CHCHD6: variants seen among roughly 807,000 people sequenced by gnomAD.
CHCHD6 encodes the protein MICOS complex subunit MIC25.
Under a neutral mutation model 32.3 loss-of-function variants are expected in CHCHD6, and 28 were observed. The ratio of observed to expected loss-of-function variants is 0.87; its 90% CI spans 0.64 to 1.19. The LOEUF (loss-of-function observed/expected upper bound fraction) is 1.19. Ranked by LOEUF, CHCHD6 falls within the 50% of genes most tolerant of loss-of-function variation. CHCHD6 has a pLI of 0.00. For missense variants in CHCHD6, 333 were observed against 307.0 expected, an observed-to-expected ratio of 1.08 and a Z score of -0.63; for synonymous variants, 122 against 117.5, an observed-to-expected ratio of 1.04 and a Z score of -0.25.
chr3:126,849,811 C>T (rs546490402), intron 4 of CHCHD6, among the ~76,000 whole-genome samples: 1 of 152,342 alleles, frequency 6.6e-6, no homozygotes, highest in East Asian at 1.9e-4. Context: ...GTTGTGCCCT[C>T]AGCCCTTTTA....
At chr3:126,808,738 G>A (rs1331289732) in intron 4 of CHCHD6, among the ~76,000 whole-genome samples, 2 of 152,154 alleles carry the variant, frequency 1.3e-5, no homozygotes, top group African/African-American at 4.8e-5. Context: ...GGACTGTAAA[G>A]TGGATACCTA....
At chr3:126,883,711 A>C (rs2077642429) in intron 5 of CHCHD6, among the ~76,000 whole-genome samples, 1 of 152,210 alleles carries the variant, frequency 6.6e-6, no homozygotes, top group Admixed American at 6.5e-5. Context: ...AGGGTGTCAC[A>C]CAGCCCCAGC....
At chr3:126,848,867 C>T (rs1941377530) in intron 4 of CHCHD6, among the ~76,000 whole-genome samples, 2 of 152,128 alleles carry the variant, frequency 1.3e-5, no homozygotes, top group African/African-American at 4.8e-5. Flanking sequence ...TTATTGGTAG[C>T]CTTTTTAGAA....
chr3:126,944,781 A>G (rs62263302), intron 6 of CHCHD6, among the ~76,000 whole-genome samples: 12,254 of 152,288 alleles, frequency 0.08, 650 homozygotes, highest in Middle Eastern at 0.12. Context: ...GAAGGAGTCA[A>G]GAGTGTTCCT....
chr3:126,880,221 C>T (rs9882243), intron 5 of CHCHD6, among the ~76,000 whole-genome samples: 4,919 of 152,066 alleles, frequency 0.032, 280 homozygotes, highest in African/African-American at 0.11. Flanking sequence ...GGAAGTAGGG[C>T]GAGTGTACAG....
chr3:126,714,353 T>C (rs1373324543), intron 1 of CHCHD6, among the ~76,000 whole-genome samples: 1 of 152,160 alleles, frequency 6.6e-6, no homozygotes, highest in African/African-American at 2.4e-5. Flanking sequence ...GTGTGTGCCA[T>C]GCTTGGTGTA....
At chr3:126,864,683 C>T (rs1461599812) in intron 5 of CHCHD6, among the ~76,000 whole-genome samples, 2 of 149,494 alleles carry the variant, frequency 1.3e-5, no homozygotes, top group Non-Finnish European at 3.0e-5. Flanking sequence ...ATCATCTCCT[C>T]CTCCTCCTCC....
At chr3:126,813,718 C>T (rs1202427173) in intron 4 of CHCHD6, among the ~76,000 whole-genome samples, 1 of 152,260 alleles carries the variant, frequency 6.6e-6, no homozygotes, top group African/African-American at 2.4e-5. Context: ...CCTGGACACA[C>T]TGAATCCAGG....
At chr3:126,819,121 C>G (rs1373719971) in intron 4 of CHCHD6, among the ~76,000 whole-genome samples, 1 of 152,192 alleles carries the variant, frequency 6.6e-6, no homozygotes, top group East Asian at 1.9e-4. Flanking sequence ...ACTCTAAACT[C>G]CTGCCACACT....
At chr3:126,838,278 A>G (rs1031139914) in intron 4 of CHCHD6, among the ~76,000 whole-genome samples, 11 of 152,226 alleles carry the variant, frequency 7.2e-5, no homozygotes, top group Admixed American at 6.5e-4. Context: ...GAACAAAGAC[A>G]TGGCTTTGAG....
At chr3:126,922,030 C>T (rs570360237) in intron 6 of CHCHD6, among the ~76,000 whole-genome samples, 1 of 152,290 alleles carries the variant, frequency 6.6e-6, no homozygotes, top group South Asian at 2.1e-4. Flanking sequence ...CCTTTGATGA[C>T]CTTTTAAAGG....
chr3:126,914,687 A>T lies in CHCHD6; in HGVS notation c.503A>T (p.Glu168Val), dbSNP rs759148377. 6.3e-7 allele frequency: 1 copy of T among 1,579,668 alleles called. No homozygotes were observed. The highest frequency in any genetic ancestry group is 8.7e-7 in the Non-Finnish European group (1 of 1,148,560). Residue 168 changes from glutamate (E) to valine (V), a missense_variant, in exon 6 of 8, where the codon GAG becomes GTG. Physicochemically the swap from Glu to Val is moderately radical, Grantham distance 121. Coordinates refer to ENST00000290913, the MANE Select transcript of CHCHD6 (RefSeq NM_032343.3). ...QLERIERKNAEMYKLSSEQFH... is the reference protein window; with the variant it reads ...QLERIERKNAVMYKLSSEQFH... ...CTGTTTTTCTCCTTGTAGAATGCTG[A>T]GATGTATAAACTGTCTTCAGAGCAA... is the stretch of plus-strand genomic sequence containing the variant.
intron 5 of CHCHD6, among the ~76,000 whole-genome samples, chr3:126,885,920 G>A (rs923554379): frequency 2.0e-5 from 3 of 152,228 alleles, no homozygotes; most frequent in African/African-American, 7.2e-5. Flanking sequence ...AGGATGAGAA[G>A]TAGAAGGGCT....
At chr3:126,930,244 T>C (rs1350829612) in intron 6 of CHCHD6, among the ~76,000 whole-genome samples, 1 of 152,240 alleles carries the variant, frequency 6.6e-6, no homozygotes, top group Non-Finnish European at 1.5e-5. Context: ...CCAGCCTCTT[T>C]ATGAAACCAT....
intron 4 of CHCHD6, among the ~76,000 whole-genome samples, chr3:126,772,196 G>A (rs1408862890): frequency 1.3e-5 from 2 of 152,108 alleles, no homozygotes; most frequent in Non-Finnish European, 2.9e-5. Flanking sequence ...CCGCCTCCTG[G>A]GTTCACGCCA....
chr3:126,841,696 A>G (rs1368266869), intron 4 of CHCHD6, among the ~76,000 whole-genome samples: 4 of 152,022 alleles, frequency 2.6e-5, no homozygotes. Context: ...GCTTAACCCC[A>G]GGAGTTTGAG....
intron 4 of CHCHD6, among the ~76,000 whole-genome samples, chr3:126,763,013 C>T (rs79277261): frequency 0.022 from 3,372 of 152,238 alleles, 129 homozygotes; most frequent in African/African-American, 0.077. Flanking sequence ...GTGTTTAATA[C>T]ATTTACATTT....
chr3:126,798,305 A>G lies in CHCHD6; in HGVS notation c.412-54342A>G, dbSNP rs544499676. On this transcript the variant is annotated intron_variant, in intron 4 of 7. Transcript: ENST00000290913. ...TTCTTGGAGTGGCTTGTATTCTTTG[A>G]CCATCCACTTAGAAATGGAGTGGGA... Among the ~76,000 whole-genome samples, 8 of 152,196 alleles carry G rather than the reference A, an allele frequency of 5.3e-5. No homozygotes were observed. The East Asian group carries it at 1.6e-3, about 30-fold the overall frequency.
chr3:126,725,280 C>T (rs73199891), intron 1 of CHCHD6, among the ~76,000 whole-genome samples: 1,806 of 152,350 alleles, frequency 0.012, 14 homozygotes, highest in Non-Finnish European at 0.019. Flanking sequence ...AAATAACATT[C>T]ATCTTGTACA....
Sources: gnomAD v4.1 joint callset for allele counts (sites outside exome capture counted in the v4.1 genomes callset) on GRCh38, gnomAD v4.1.1 for gene constraint, MANE v1.5 for transcripts, NCBI Gene and HGNC (gene_info 2026-07-23, HGNC 2026-07-21) for gene names.